ATP8A1: variants seen among roughly 807,000 people sequenced by gnomAD.
The protein encoded by ATP8A1 is ATPase phospholipid transporting 8A1, also known as phospholipid-transporting ATPase IA.
In ATP8A1, 90 loss-of-function variants were observed where a neutral mutation model predicts 177.7. The ratio of observed to expected loss-of-function variants is 0.51; its 90% CI spans 0.43 to 0.60. The LOEUF (loss-of-function observed/expected upper bound fraction) is 0.60, where lower values mean the gene tolerates loss of function less well. Among genes scored for constraint, ATP8A1 ranks in the 20% least tolerant of loss-of-function variants. The pLI is 0.00. For missense variants in ATP8A1, 1,072 were observed against 1,392.8 expected, an observed-to-expected ratio of 0.77 and a Z score of 3.67; for synonymous variants, 493 against 485.9, an observed-to-expected ratio of 1.01 and a Z score of -0.19.
intron 24 of ATP8A1, among the ~76,000 whole-genome samples, chr4:42,488,095 T>C (rs374722580): frequency 1.3e-5 from 2 of 152,188 alleles, no homozygotes; most frequent in African/African-American, 4.8e-5. Flanking sequence ...CAATCTATAA[T>C]AGATATCCCC....
intron 24 of ATP8A1, among the ~76,000 whole-genome samples, chr4:42,502,095 C>T (rs1384060723): frequency 6.6e-6 from 1 of 151,704 alleles, no homozygotes; most frequent in Admixed American, 6.6e-5. Context: ...CTCAGTGACT[C>T]ACTTCTCAAA....
intron 6 of ATP8A1, among the ~76,000 whole-genome samples, chr4:42,598,698 C>T (rs1734955844): frequency 6.6e-6 from 1 of 152,118 alleles, no homozygotes; most frequent in South Asian, 2.1e-4. Flanking sequence ...AAAGGTCATA[C>T]ACATACATTA....
chr4:42,446,080 C>CAAAAAAAAAAAAAAAA lies in ATP8A1; in HGVS notation c.2958+487_2958+502dup, dbSNP rs11311245. ...GGGCGACAAGAGTGAAACGCCCTCT[C>CAAAAAAAAAAAAAAAA]AAAAAAAAAAAAAAAAAAAGAGAAG... On this transcript the variant is annotated intron_variant, in intron 31 of 36. Coordinates refer to ENST00000381668, the MANE Select transcript of ATP8A1 (RefSeq NM_006095.2). 2.0e-4 allele frequency among the ~76,000 whole-genome samples: 13 copies of CAAAAAAAAAAAAAAAA among 63,914 alleles called. 1 individual carries two copies. The highest frequency in any genetic ancestry group is 3.9e-4 in the Admixed American group (2 of 5,176). 41.9% of individuals were successfully genotyped at this position (63,914 alleles called of 152,430 possible).
intron 19 of ATP8A1, among the ~76,000 whole-genome samples, chr4:42,546,016 A>G (rs1481375564): frequency 6.6e-6 from 1 of 152,028 alleles, no homozygotes; most frequent in African/African-American, 2.4e-5. Flanking sequence ...CTGCCATTAA[A>G]ACCTGCATAT....
At chr4:42,605,016 GAAGA>G (rs895537577) in intron 5 of ATP8A1, among the ~76,000 whole-genome samples, 22 of 152,278 alleles carry the variant, frequency 1.4e-4, no homozygotes, top group African/African-American at 4.8e-4. Flanking sequence ...GGGATTCAAG[GAAGA>G]AAGAAAGACT....
chr4:42,551,526 T>G (rs1461954673), intron 17 of ATP8A1, among the ~76,000 whole-genome samples: 2 of 152,206 alleles, frequency 1.3e-5, no homozygotes, highest in Admixed American at 6.5e-5. Context: ...GTCTCACTGT[T>G]AGTCACAAAT....
At chr4:42,432,414 A>C (rs1715409641) in intron 33 of ATP8A1, among the ~76,000 whole-genome samples, 1 of 152,232 alleles carries the variant, frequency 6.6e-6, no homozygotes, top group African/African-American at 2.4e-5. Context: ...CGACTATCAA[A>C]ATCAACTCTG....
chr4:42,505,748 A>G (rs1724299060), intron 23 of ATP8A1, among the ~76,000 whole-genome samples: 1 of 152,178 alleles, frequency 6.6e-6, no homozygotes, highest in Non-Finnish European at 1.5e-5. Flanking sequence ...AAAAATACAC[A>G]ATATTTTAAA....
intron 22 of ATP8A1, among the ~76,000 whole-genome samples, chr4:42,511,756 T>C (rs1725023461): frequency 6.6e-6 from 1 of 152,222 alleles, no homozygotes; most frequent in African/African-American, 2.4e-5. Context: ...TTTTGCTAAA[T>C]AATGGAACCT....
chr4:42,447,050 A>G (rs1332679963), intron 30 of ATP8A1, among the ~76,000 whole-genome samples: 2 of 152,242 alleles, frequency 1.3e-5, no homozygotes, highest in Non-Finnish European at 2.9e-5. Context: ...AGGGATTCAT[A>G]AAAGCAACTC....
chr4:42,477,478 A>C (rs891111267), intron 25 of ATP8A1, among the ~76,000 whole-genome samples: 4 of 152,118 alleles, frequency 2.6e-5, no homozygotes, highest in Admixed American at 6.5e-5. Flanking sequence ...GCAATCCCAT[A>C]CCCATCCCCC....
At chr4:42,497,174 GC>G (rs1322108821) in intron 24 of ATP8A1, among the ~76,000 whole-genome samples, 5 of 152,174 alleles carry the variant, frequency 3.3e-5, no homozygotes, top group Non-Finnish European at 7.4e-5. Context: ...GGGACTTCAA[GC>G]AATCAAGGTT....
At chr4:42,500,156 G>A (rs1723713013) in intron 24 of ATP8A1, among the ~76,000 whole-genome samples, 1 of 152,168 alleles carries the variant, frequency 6.6e-6, no homozygotes, top group Non-Finnish European at 1.5e-5. Context: ...GTTGAGGTCA[G>A]GAGTTCAAGA....
At chr4:42,635,780 C>CATATATATATATATATATATATATATAT (rs1317800276) in intron 1 of ATP8A1, among the ~76,000 whole-genome samples, 2 of 43,466 alleles carry the variant, frequency 4.6e-5, no homozygotes, top group Non-Finnish European at 1.0e-4. Context: ...CACACACACA[C>CATATATATATATATATATATATATATAT]ACATATATAT....
At chr4:42,444,709 G>C in intron 31 of ATP8A1, 75 bp from the exon 32 acceptor site, 1 of 1,412,084 alleles carries the variant, frequency 7.1e-7, no homozygotes, top group Non-Finnish European at 9.9e-7. Context: ...GATTTATAAA[G>C]AACAGAGATC....
chr4:42,513,567 A>T (rs900026744), intron 22 of ATP8A1, among the ~76,000 whole-genome samples: 1 of 152,334 alleles, frequency 6.6e-6, no homozygotes, highest in East Asian at 1.9e-4. Context: ...AAGAAATTAC[A>T]TGTACAAAGA....
chr4:42,561,880 T>G (rs1293391107), intron 15 of ATP8A1: 2 of 152,292 alleles, frequency 1.3e-5, no homozygotes, highest in Non-Finnish European at 2.9e-5. Context: ...TGTGCCCTCC[T>G]GTGCAATTCC....
chr4:42,587,393 C>T (rs1273500307), intron 8 of ATP8A1, among the ~76,000 whole-genome samples: 9 of 151,280 alleles, frequency 5.9e-5, no homozygotes, highest in Non-Finnish European at 1.2e-4. Context: ...CTACAACCTC[C>T]GCCTCTCGGG....
At chr4:42,447,482 C>T (rs966938135) in intron 30 of ATP8A1, among the ~76,000 whole-genome samples, 5 of 152,058 alleles carry the variant, frequency 3.3e-5, no homozygotes, top group African/African-American at 1.2e-4. Context: ...TGCACCTGGC[C>T]GCCTTCAAAT....
Sources: gnomAD v4.1 joint callset for allele counts (sites outside exome capture counted in the v4.1 genomes callset) on GRCh38, gnomAD v4.1.1 for gene constraint, MANE v1.5 for transcripts, NCBI Gene and HGNC (gene_info 2026-07-23, HGNC 2026-07-21) for gene names.